Variants in SLX4IP observed in about 807,000 individuals in gnomAD.
SLX4IP encodes the protein SLX4 interacting protein.
In SLX4IP, 34 loss-of-function variants were observed where a neutral mutation model predicts 32.9. The ratio of observed to expected loss-of-function variants is 1.03; its 90% CI spans 0.79 to 1.38. SLX4IP has a LOEUF of 1.38. Among genes scored for constraint, SLX4IP ranks in the 40% most tolerant of loss-of-function variants. SLX4IP has a pLI of 0.00. For synonymous variants in SLX4IP, 172 were observed against 171.7 expected (o/e 1.00, Z -0.01); for missense variants, 444 against 479.0 (o/e 0.93, Z 0.68).
In SLX4IP at chr20:10,623,087, C is replaced by T; in HGVS notation, c.935C>T (p.Ser312Phe). Residue 312 changes from serine to phenylalanine, a missense_variant, in exon 8 of 8, where the codon TCT becomes TTT. Physicochemically the swap from Ser to Phe is radical, Grantham distance 155. Transcript: ENST00000334534. The stretch of plus-strand genomic sequence containing the variant: ...GACTTCGACCACCACGGGAGAGTTT[C>T]TCTTGGAAGTGATCGATTAGTCCCG... ...AEDFDHHGRV[S>F]LGSDRLVPRE... 6.2e-7 allele frequency: 1 copy of T among 1,614,190 alleles called. No individual in the cohort carries two copies. The highest frequency in any genetic ancestry group is 8.5e-7 in the Non-Finnish European group (1 of 1,180,042).
At chr20:10,603,694 T>C (rs1342595347) in intron 6 of SLX4IP, among the ~76,000 whole-genome samples, 2 of 152,150 alleles carry the variant, frequency 1.3e-5, no homozygotes, top group African/African-American at 2.4e-5. Context: ...CTGGCACTAC[T>C]CAACAGTTTC....
chr20:10,503,364 G>C (rs1370535159), intron 2 of SLX4IP, among the ~76,000 whole-genome samples: 13 of 152,158 alleles, frequency 8.5e-5, no homozygotes, highest in Non-Finnish European at 5.9e-5. Context: ...GGGTTGGATG[G>C]ACCATTGAAG....
chr20:10,623,267 A>G lies in SLX4IP; in HGVS notation c.1115A>G (p.Lys372Arg). 1 of 1,614,228 alleles carries G rather than the reference A, an allele frequency of 6.2e-7. No homozygotes were observed. The highest frequency in any genetic ancestry group is 8.5e-7 in the Non-Finnish European group (1 of 1,180,042). Reference protein sequence around the residue: ...LESLSSRHLMKNNPGQAQQTG... With the variant: ...LESLSSRHLMRNNPGQAQQTG... ...AGTCTCTCCTCCAGACATCTTATGA[A>G]AAATAACCCAGGGCAGGCACAGCAA... Residue 372 changes from lysine to arginine, a missense_variant, in exon 8 of 8, where the codon AAA (lysine) becomes AGA (arginine). Transcript: ENST00000334534.
At chr20:10,525,388 G>C (rs1350914011) in intron 2 of SLX4IP, among the ~76,000 whole-genome samples, 1 of 151,932 alleles carries the variant, frequency 6.6e-6, no homozygotes, top group Non-Finnish European at 1.5e-5. Flanking sequence ...CATACCTCTT[G>C]CTTTCCATCT....
At position 10,447,574 on chromosome 20, in the gene SLX4IP, G is replaced by A. The variant is rs1195825612; in HGVS notation, c.-29-10602G>A. Among the ~76,000 whole-genome samples, 6 of 152,164 alleles carry A rather than the reference G, an allele frequency of 3.9e-5. No individual in the cohort carries two copies. In the East Asian group the frequency reaches 7.7e-4, roughly 20 times the overall value. ...GTTGTTTCTACTGGTTCATCATTAA[G>A]CATTTTGTTACATTTTTGTAGATGC... On this transcript the variant is annotated intron_variant, in intron 1 of 7. Coordinates refer to ENST00000334534, the MANE Select transcript of SLX4IP (RefSeq NM_001009608.3).
At chr20:10,451,800 C>A (rs955064289) in intron 1 of SLX4IP, among the ~76,000 whole-genome samples, 1 of 151,862 alleles carries the variant, frequency 6.6e-6, no homozygotes, top group African/African-American at 2.4e-5. Flanking sequence ...AACCCCGTCT[C>A]TACTAAAAAT....
intron 4 of SLX4IP, among the ~76,000 whole-genome samples, chr20:10,597,284 G>A (rs1259767380): frequency 6.6e-6 from 1 of 152,222 alleles, no homozygotes; most frequent in Admixed American, 6.5e-5. Flanking sequence ...CCCCACTCTG[G>A]TGGAGCTTTT....
chr20:10,500,863 C>T (rs944883440), intron 2 of SLX4IP, among the ~76,000 whole-genome samples: 1 of 152,188 alleles, frequency 6.6e-6, no homozygotes, highest in Non-Finnish European at 1.5e-5. Context: ...TAATTTGCAA[C>T]CAGTTTTGTT....
At chr20:10,520,760 A>T (rs1380724892) in intron 2 of SLX4IP, among the ~76,000 whole-genome samples, 1 of 152,218 alleles carries the variant, frequency 6.6e-6, no homozygotes, top group Non-Finnish European at 1.5e-5. Context: ...CACCATCTGT[A>T]TGAACATATG....
intron 2 of SLX4IP, among the ~76,000 whole-genome samples, chr20:10,517,406 G>C (rs909827322): frequency 1.3e-5 from 2 of 152,220 alleles, no homozygotes; most frequent in Non-Finnish European, 2.9e-5. Context: ...TGTTCTAACA[G>C]AAGTGATGTG....
chr20:10,444,411 T>C (rs2065184220), intron 1 of SLX4IP, among the ~76,000 whole-genome samples: 1 of 152,046 alleles, frequency 6.6e-6, no homozygotes. Flanking sequence ...GGAGTCTCGC[T>C]CTGTCACCCA....
chr20:10,563,960 G>A (rs1326427299), intron 4 of SLX4IP, among the ~76,000 whole-genome samples: 1 of 152,114 alleles, frequency 6.6e-6, no homozygotes, highest in East Asian at 1.9e-4. Flanking sequence ...TGGTATTTTG[G>A]TAGGGATTGG....
chr20:10,540,096 T>TTTCCTTCCTTCCTTCC (rs61054747), intron 2 of SLX4IP, among the ~76,000 whole-genome samples: 82 of 111,804 alleles, frequency 7.3e-4, no homozygotes, highest in East Asian at 6.2e-3. Flanking sequence ...CCTTCCTTCC[T>TTTCCTTCCTTCCTTCC]TTCCTTCCTT....
intron 2 of SLX4IP, among the ~76,000 whole-genome samples, chr20:10,484,167 T>C (rs1001022067): frequency 6.6e-6 from 1 of 152,162 alleles, no homozygotes; most frequent in Non-Finnish European, 1.5e-5. Flanking sequence ...ATTTGTCTTT[T>C]GTTTTAGGGG....
chr20:10,528,020 C>A (rs906803319), intron 2 of SLX4IP, among the ~76,000 whole-genome samples: 1 of 152,032 alleles, frequency 6.6e-6, no homozygotes, highest in Non-Finnish European at 1.5e-5. Flanking sequence ...CTCTGTCTTG[C>A]GTGTTTCAAT....
intron 2 of SLX4IP, among the ~76,000 whole-genome samples, chr20:10,515,621 T>A (rs901977187): frequency 2.0e-5 from 3 of 152,248 alleles, no homozygotes; most frequent in African/African-American, 7.2e-5. Context: ...CTTAAGAAAC[T>A]GTTATTTCTC....
intron 2 of SLX4IP, among the ~76,000 whole-genome samples, chr20:10,547,448 A>T (rs2066173438): frequency 6.6e-6 from 1 of 152,184 alleles, no homozygotes; most frequent in African/African-American, 2.4e-5. Context: ...TTTTCACCTC[A>T]GACAAGTCAC....
intron 1 of SLX4IP, among the ~76,000 whole-genome samples, chr20:10,454,654 T>C (rs2065270275): frequency 6.6e-6 from 1 of 152,238 alleles, no homozygotes; most frequent in Non-Finnish European, 1.5e-5. Flanking sequence ...GTTCATTAGT[T>C]GATGGACATT....
chr20:10,592,424 T>A (rs1222263130), intron 4 of SLX4IP, among the ~76,000 whole-genome samples: 3 of 151,926 alleles, frequency 2.0e-5, no homozygotes, highest in Non-Finnish European at 2.9e-5. Flanking sequence ...CAAGGCTTTT[T>A]CATAGGCCCC....
Sources: allele counts gnomAD v4.1 joint callset (sites outside exome capture counted in the v4.1 genomes callset), GRCh38; gene constraint gnomAD v4.1.1; transcripts MANE v1.5; gene names NCBI Gene and HGNC (gene_info 2026-07-23, HGNC 2026-07-21).